The following GPHN variants were observed in gnomAD, a reference collection of about 807,000 sequenced individuals.
GPHN encodes gephyrin.
GPHN carries 17 observed loss-of-function variants against 95.5 expected under a neutral mutation model. The ratio of observed to expected loss-of-function variants is 0.18; its 90% CI spans 0.12 to 0.27. The LOEUF is 0.27. Ranked by LOEUF, GPHN falls within the 10% of genes least tolerant of loss-of-function variation. The probability of loss-of-function intolerance (pLI) is 1.00; values close to 1 mark genes in which losing one functional copy is unlikely to be tolerated. For synonymous variants in GPHN, 320 were observed against 322.5 expected, an observed-to-expected ratio of 0.99 and a Z score of 0.08; for missense variants, 660 against 978.1, an observed-to-expected ratio of 0.67 and a Z score of 4.34.
chr14:66,945,602 C>T (rs1163730105), intron 8 of GPHN, among the ~76,000 whole-genome samples: 1 of 152,060 alleles, frequency 6.6e-6, no homozygotes, highest in South Asian at 2.1e-4. Flanking sequence ...TCAAACACCA[C>T]CTGCTTCCCC....
At chr14:67,507,987 A>G in the GPHN span, among the ~76,000 whole-genome samples, 5 of 151,970 alleles carry the variant, frequency 3.3e-5, no homozygotes, top group African/African-American at 1.2e-4. Flanking sequence ...AAAAATACAA[A>G]ATTAGCCGGA....
At chr14:66,591,045 A>G (rs1428505409) in intron 1 of GPHN, among the ~76,000 whole-genome samples, 2 of 152,238 alleles carry the variant, frequency 1.3e-5, no homozygotes, top group African/African-American at 4.8e-5. Flanking sequence ...AACCGAAGCA[A>G]CGATGAAAAC....
At chr14:67,390,067 G>T in the GPHN span, among the ~76,000 whole-genome samples, 1 of 152,218 alleles carries the variant, frequency 6.6e-6, no homozygotes, top group African/African-American at 2.4e-5. Context: ...CCAAGACAAG[G>T]CTGAACAGCT....
intron 2 of GPHN, among the ~76,000 whole-genome samples, chr14:66,737,607 G>C (rs941044445): frequency 2.0e-5 from 3 of 152,086 alleles, no homozygotes; most frequent in African/African-American, 7.2e-5. Flanking sequence ...AACTCTGAAA[G>C]CCTGGCTTTT....
chr14:66,677,783 G>A (rs1039412755), intron 1 of GPHN, among the ~76,000 whole-genome samples: 26 of 152,066 alleles, frequency 1.7e-4, no homozygotes, highest in Non-Finnish European at 2.9e-4. Flanking sequence ...TGGTCCAACA[G>A]CTGCAGTTGG....
intron 1 of GPHN, among the ~76,000 whole-genome samples, chr14:66,665,361 G>T (rs997990427): frequency 2.6e-5 from 4 of 152,086 alleles, no homozygotes; most frequent in Non-Finnish European, 4.4e-5. Context: ...CTGACAAAGG[G>T]CTAATATCCA....
At chr14:66,849,799 TG>T (rs2062500383) in intron 4 of GPHN, among the ~76,000 whole-genome samples, 1 of 152,124 alleles carries the variant, frequency 6.6e-6, no homozygotes, top group Non-Finnish European at 1.5e-5. Flanking sequence ...AAGAATTGGT[TG>T]TCAAGAAATA....
the GPHN span, among the ~76,000 whole-genome samples, chr14:67,703,188 G>T: frequency 6.6e-6 from 1 of 152,136 alleles, no homozygotes; most frequent in African/African-American, 2.4e-5. Context: ...ATAAAAGATA[G>T]TTGGATCTAA....
In GPHN at chr14:67,006,520, A is replaced by G. The variant is rs529444644; in HGVS notation, c.964-17113A>G. ...ATGGCATGAACTAATGCATGGCTCT[A>G]AAAAGGCTACTGTTGTGTGTCTGCA... is the stretch of plus-strand genomic sequence containing the variant. On this transcript the variant is annotated intron_variant, in intron 9 of 22. Transcript: ENST00000478722. Among the ~76,000 whole-genome samples, 366 of 152,262 alleles carry G rather than the reference A, an allele frequency of 2.4e-3. 4 individuals are homozygous for G. Among genetic ancestry groups the G allele is most frequent in the African/African-American group, 8.3e-3 (345 of 41,560 alleles).
At chr14:66,811,074 A>G (rs1467457953) in intron 3 of GPHN, among the ~76,000 whole-genome samples, 3 of 152,228 alleles carry the variant, frequency 2.0e-5, no homozygotes, top group Non-Finnish European at 4.4e-5. Flanking sequence ...TTTATGACAT[A>G]TTGTCAAATT....
intron 17 of GPHN, among the ~76,000 whole-genome samples, chr14:67,123,002 G>A (rs955301852): frequency 2.0e-5 from 3 of 152,152 alleles, no homozygotes; most frequent in Non-Finnish European, 4.4e-5. Context: ...TCAAAAGCAA[G>A]TCTACACTTT....
chr14:67,198,159 G>A, the GPHN span: 120 of 1,608,834 alleles, frequency 7.5e-5, no homozygotes, highest in African/African-American at 5.2e-4. Context: ...ATGTGCAAGC[G>A]CAATGAAGAA....
At chr14:66,808,822 T>C (rs2060651440) in intron 3 of GPHN, among the ~76,000 whole-genome samples, 1 of 152,152 alleles carries the variant, frequency 6.6e-6, no homozygotes, top group Non-Finnish European at 1.5e-5. Flanking sequence ...ATTTTAGATA[T>C]GTATAAAATA....
chr14:66,768,639 G>A (rs149367869), intron 2 of GPHN, among the ~76,000 whole-genome samples: 1 of 152,022 alleles, frequency 6.6e-6, no homozygotes, highest in African/African-American at 2.4e-5. Flanking sequence ...GCAAAAACTG[G>A]CAGAATTAAA....
chr14:67,684,896 A>T, the GPHN span: 1 of 715,954 alleles, frequency 1.4e-6, no homozygotes, highest in Non-Finnish European at 2.2e-6. Context: ...AAAACTCTAG[A>T]GTTAAAAGAC....
chr14:67,599,494 G>C, the GPHN span, among the ~76,000 whole-genome samples: 2 of 151,996 alleles, frequency 1.3e-5, no homozygotes, highest in African/African-American at 4.8e-5. Context: ...GAGGAGGGAG[G>C]GTTAAAAAAC....
the GPHN span, among the ~76,000 whole-genome samples, chr14:67,446,783 G>A: frequency 6.6e-6 from 1 of 152,228 alleles, no homozygotes; most frequent in East Asian, 1.9e-4. Flanking sequence ...AGGGAGAAAT[G>A]AGGATCCTAA....
the GPHN span, chr14:67,592,393 T>C: frequency 2.0e-5 from 10 of 487,990 alleles, no homozygotes; most frequent in African/African-American, 6.0e-5. Flanking sequence ...TGAGTGGTGA[T>C]TGTCACTGCA....
rs560406397 is a variant in GPHN, at chr14:66,738,603, T to G, written c.144-37861T>G. 7.9e-5 allele frequency among the ~76,000 whole-genome samples: 12 copies of G among 152,278 alleles called. No homozygotes were observed. The South Asian group carries it at 2.5e-3, about 32-fold the overall frequency. On this transcript the variant is annotated intron_variant, in intron 2 of 22. Transcript: ENST00000478722. ...TGTAAAACATTATGTTACTGTCATT[T>G]AAAAAAATAGTTTTAAACCCTCTGA...
Sources: allele counts gnomAD v4.1 joint callset (sites outside exome capture counted in the v4.1 genomes callset), GRCh38; gene constraint gnomAD v4.1.1; transcripts MANE v1.5; gene names NCBI Gene and HGNC (gene_info 2026-07-23, HGNC 2026-07-21).